PTP4A2: variants seen among roughly 807,000 people sequenced by gnomAD.
PTP4A2 encodes the protein protein tyrosine phosphatase type IVA 2.
A neutral mutation model predicts 22.9 loss-of-function variants in PTP4A2; 2 were observed. That is an observed-to-expected ratio of 0.09 (90% CI 0.04 to 0.27). The LOEUF (loss-of-function observed/expected upper bound fraction) is 0.27. Ranked by LOEUF, PTP4A2 falls within the 10% of genes least tolerant of loss-of-function variation. PTP4A2 has a pLI of 1.00. For synonymous variants in PTP4A2, 68 were observed against 69.1 expected (o/e 0.98, Z 0.08); for missense variants, 103 against 205.1 (o/e 0.50, Z 3.04).
At chr1:31,916,162 T>C (rs965613058) in intron 2 of PTP4A2, among the ~76,000 whole-genome samples, 175 bp from the exon 3 acceptor site, 1 of 151,404 alleles carries the variant, frequency 6.6e-6, no homozygotes, top group East Asian at 1.9e-4. Context: ...CTGACCAACA[T>C]AGTGAAACCC....
intron 5 of PTP4A2, among the ~76,000 whole-genome samples, chr1:31,909,466 G>T (rs1306765660): frequency 6.6e-6 from 1 of 152,072 alleles, no homozygotes; most frequent in Non-Finnish European, 1.5e-5. Flanking sequence ...ACGAGATCAG[G>T]AGATTGAGAT....
At chr1:31,930,673 CAT>C (rs1557868670) in intron 1 of PTP4A2, among the ~76,000 whole-genome samples, 3 of 152,184 alleles carry the variant, frequency 2.0e-5, no homozygotes, top group African/African-American at 7.2e-5. Context: ...AGTTCACAGA[CAT>C]ATGTTTGTGT....
intron 5 of PTP4A2, 83 bp downstream of exon 5, chr1:31,909,955 A>G: frequency 7.9e-7 from 1 of 1,269,860 alleles, no homozygotes; most frequent in Non-Finnish European, 1.1e-6. Context: ...ATCCCATACT[A>G]TAAATGAATA....
At chr1:31,935,251 G>A (rs1183256843) in intron 1 of PTP4A2, among the ~76,000 whole-genome samples, 1 of 152,020 alleles carries the variant, frequency 6.6e-6, no homozygotes, top group East Asian at 1.9e-4. Flanking sequence ...CATATCCCAG[G>A]TGCCTCATAA....
intron 1 of PTP4A2, chr1:31,933,958 T>C (rs1188828286): frequency 1.3e-5 from 2 of 152,134 alleles, no homozygotes; most frequent in African/African-American, 4.8e-5. Context: ...AAGTCCACCA[T>C]GTTAAAACTA....
chr1:31,908,818 G>T lies in PTP4A2; in HGVS notation c.*34C>A. 1 of 1,474,982 alleles carries T rather than the reference G, an allele frequency of 6.8e-7. No individual in the cohort carries two copies. Among genetic ancestry groups the T allele is most frequent in the African/African-American group, 1.4e-5 (1 of 71,856 alleles). 91.4% of individuals were successfully genotyped at this position (1,474,982 alleles called of 1,614,324 possible). A position where few individuals can be genotyped will look rare whatever the true frequency, so the allele number is the denominator to read the frequency against. On this transcript the variant is annotated 3_prime_UTR_variant, in exon 6 of 6. Transcript: ENST00000647444. ...AGGTACCAAGAGTTCCCTCTAAATGGCACAATCAAGTCAGCCTTCGTTTAC... is the reference window on the plus strand; with the variant it reads ...AGGTACCAAGAGTTCCCTCTAAATGTCACAATCAAGTCAGCCTTCGTTTAC...
At chr1:31,920,220 G>T (rs1015147623) in intron 1 of PTP4A2, among the ~76,000 whole-genome samples, 2 of 149,800 alleles carry the variant, frequency 1.3e-5, no homozygotes, top group African/African-American at 4.9e-5. Context: ...GAGGCGGGCA[G>T]ATCACCTGAG....
At chr1:31,922,630 CTTTCT>C (rs1025528576) in intron 1 of PTP4A2, among the ~76,000 whole-genome samples, 7 of 95,708 alleles carry the variant, frequency 7.3e-5, no homozygotes, top group African/African-American at 3.2e-4. Flanking sequence ...TTCTTTCTTT[CTTTCT>C]TTTATTTATT....
At position 31,907,070 on chromosome 1, in the gene PTP4A2, A is replaced by AT. The variant is rs1291326110; in HGVS notation, c.*1781_*1782insA. ...ATCTACAGATTTGCGTTTAGTTAAA[A>AT]ATCAAAACTCCAGCATAGGAAATAG... On this transcript the variant is annotated 3_prime_UTR_variant, in exon 6 of 6. Transcript: ENST00000647444. The AT allele has an allele frequency of 6.6e-6, 1 of 152,212 alleles. No homozygotes were observed. The highest frequency in any genetic ancestry group is 1.5e-5 in the Non-Finnish European group (1 of 68,034). The allele number at this position is 152,212 out of a possible 1,614,324, so 9.4% of individuals were successfully genotyped here. A position where few individuals can be genotyped will look rare whatever the true frequency, so the allele number is the denominator to read the frequency against.
At chr1:31,935,182 A>T (rs1652881411) in intron 1 of PTP4A2, among the ~76,000 whole-genome samples, 1 of 152,148 alleles carries the variant, frequency 6.6e-6, no homozygotes. Context: ...CTCTTTTTCC[A>T]AAAAATAAAA....
chr1:31,922,586 G>GTTTCTTTCTTTCTTTCTTTCTTTC (rs200368265), intron 1 of PTP4A2, among the ~76,000 whole-genome samples: 6 of 146,114 alleles, frequency 4.1e-5, no homozygotes, highest in East Asian at 2.0e-4. Context: ...ACCCAGGTTT[G>GTTTCTTTCTTTCTTTCTTTCTTTC]TTTCTTTCTT....
At position 31,908,155 on chromosome 1, in the gene PTP4A2, TA is replaced by T. The variant is rs1651311920; in HGVS notation, c.*696del. ...ATATATTATATTATATATATATATATATATATATATATATATATATATATAT... is the reference window on the plus strand; with the variant it reads ...ATATATTATATTATATATATATATATTATATATATATATATATATATATAT... On this transcript the variant is annotated 3_prime_UTR_variant, in exon 6 of 6. Transcript: ENST00000647444. 5.2e-4 allele frequency: 1 copy of T among 1,916 alleles called. No individual in the cohort carries two copies. Among genetic ancestry groups the T allele is most frequent in the African/African-American group, 2.5e-3 (1 of 398 alleles). The allele number at this position is 1,916 out of a possible 1,614,324, so 0.1% of individuals were successfully genotyped here. A position where few individuals can be genotyped will look rare whatever the true frequency, so the allele number is the denominator to read the frequency against.
At chr1:31,922,590 CTTT>C (rs1652215262) in intron 1 of PTP4A2, among the ~76,000 whole-genome samples, 1 of 11,678 alleles carries the variant, frequency 8.6e-5, no homozygotes, top group Non-Finnish European at 2.0e-4. Flanking sequence ...AGGTTTGTTT[CTTT>C]CTTTCTTTCT....
chr1:31,924,190 T>C (rs1172084288), intron 1 of PTP4A2: 1 of 152,198 alleles, frequency 6.6e-6, no homozygotes, highest in Non-Finnish European at 1.5e-5. Context: ...GAACAAGCTT[T>C]ATCCCATCTT....
chr1:31,924,333 T>G (rs1414386336), intron 1 of PTP4A2, among the ~76,000 whole-genome samples: 13 of 152,238 alleles, frequency 8.5e-5, no homozygotes, highest in Non-Finnish European at 1.9e-4. Flanking sequence ...CTAGCACTTT[T>G]AACAGATACA....
intron 1 of PTP4A2, among the ~76,000 whole-genome samples, chr1:31,923,188 C>T (rs547508573): frequency 2.6e-5 from 4 of 151,816 alleles, no homozygotes; most frequent in Admixed American, 1.3e-4. Flanking sequence ...GGATTACAGA[C>T]GTGAGCCACC....
At chr1:31,912,005 T>G (rs1189762061) in intron 3 of PTP4A2, among the ~76,000 whole-genome samples, 179 bp from the exon 4 acceptor site, 1 of 152,204 alleles carries the variant, frequency 6.6e-6, no homozygotes, top group Non-Finnish European at 1.5e-5. Flanking sequence ...AAATTAAAGT[T>G]TGCCAAATAA....
At chr1:31,913,924 G>A (rs969386070) in intron 3 of PTP4A2, 50 of 454,380 alleles carry the variant, frequency 1.1e-4, no homozygotes, top group African/African-American at 4.6e-4. Context: ...GCTTATTTTC[G>A]GAAGTTTAAA....
chr1:31,911,946 C>A (rs1384733357), intron 3 of PTP4A2, 120 bp from the exon 4 acceptor site: 2 of 549,306 alleles, frequency 3.6e-6, no homozygotes, highest in South Asian at 4.5e-5. Flanking sequence ...ACTATATATA[C>A]CTATTGTTAA....
Sources: gnomAD v4.1 joint callset for allele counts (sites outside exome capture counted in the v4.1 genomes callset) on GRCh38, gnomAD v4.1.1 for gene constraint, MANE v1.5 for transcripts, NCBI Gene and HGNC (gene_info 2026-07-23, HGNC 2026-07-21) for gene names.